The following NEBL variants were observed in gnomAD, a reference collection of about 807,000 sequenced individuals.
NEBL encodes LIM and SH3 protein 2.
Under a neutral mutation model 140.2 loss-of-function variants are expected in NEBL, and 122 were observed. The ratio of observed to expected loss-of-function variants is 0.87; its 90% CI spans 0.75 to 1.01. The LOEUF (loss-of-function observed/expected upper bound fraction) is 1.01, where lower values mean the gene tolerates loss of function less well. Among genes scored for constraint, NEBL ranks in the 50% least tolerant of loss-of-function variants. The pLI is 0.00. For missense variants in NEBL, 1,365 were observed against 1,231.3 expected (o/e 1.11, Z -1.62); for synonymous variants, 436 against 398.9 (o/e 1.09, Z -1.11).
chr10:20,981,306 G>GA (rs555810368), intron 3 of NEBL, among the ~76,000 whole-genome samples: 10,223 of 130,338 alleles, frequency 0.078, 788 homozygotes, highest in African/African-American at 0.22. Flanking sequence ...GGCCAGAAAA[G>GA]AAAAAAAAAA....
At chr10:20,956,733 T>A (rs1033334817) in intron 4 of NEBL, among the ~76,000 whole-genome samples, 1 of 152,168 alleles carries the variant, frequency 6.6e-6, no homozygotes, top group African/African-American at 2.4e-5. Context: ...ATAATGTATT[T>A]CAATGAATGA....
At chr10:20,959,487 T>C (rs1259999243) in intron 4 of NEBL, among the ~76,000 whole-genome samples, 1 of 152,162 alleles carries the variant, frequency 6.6e-6, no homozygotes, top group African/African-American at 2.4e-5. Flanking sequence ...CTTGCCAAAG[T>C]ACTACTTTTT....
At chr10:20,919,773 C>T (rs141849321) in intron 4 of NEBL, among the ~76,000 whole-genome samples, 1,592 of 152,156 alleles carry the variant, frequency 0.01, 31 homozygotes, top group African/African-American at 0.036. Flanking sequence ...CCATTCCTAA[C>T]TCAAAATCCG....
chr10:21,088,549 C>T (rs1333187311), intron 2 of NEBL, among the ~76,000 whole-genome samples: 2 of 152,130 alleles, frequency 1.3e-5, no homozygotes, highest in African/African-American at 2.4e-5. Context: ...CTTTCAATGG[C>T]CAAAGCATGT....
chr10:21,250,469 G>A (rs1240377108), intron 2 of NEBL, among the ~76,000 whole-genome samples: 7 of 152,216 alleles, frequency 4.6e-5, no homozygotes, highest in East Asian at 1.9e-4. Flanking sequence ...GATTGTGTAA[G>A]TTAATACTAC....
chr10:21,081,689 A>G (rs578115674), intron 2 of NEBL, among the ~76,000 whole-genome samples: 1 of 152,148 alleles, frequency 6.6e-6, no homozygotes, highest in Non-Finnish European at 1.5e-5. Flanking sequence ...CGGAGAAGTG[A>G]TTGATTCCAG....
At chr10:20,975,437 A>G (rs940238063) in intron 3 of NEBL, among the ~76,000 whole-genome samples, 1 of 152,136 alleles carries the variant, frequency 6.6e-6, no homozygotes, top group African/African-American at 2.4e-5. Context: ...CCAATGAGCC[A>G]GGTGGTTCCA....
In NEBL at chr10:21,119,428, T is replaced by G. The variant is rs67139133; in HGVS notation, c.164+52955A>C. ...ATAAAGCAAATATTTGTAATATACT[T>G]AATATAACATATATAGTTATATTAA... On this transcript the variant is annotated intron_variant, in intron 2 of 6. Coordinates refer to the NEBL transcript ENST00000417816. Among the ~76,000 whole-genome samples the G allele has an allele frequency of 2.9e-3, 343 of 116,892 alleles. 2 individuals carry two copies. Among genetic ancestry groups the G allele is most frequent in the African/African-American group, 7.3e-3 (136 of 18,670 alleles). 76.7% of individuals were successfully genotyped at this position (116,892 alleles called of 152,430 possible).
chr10:21,186,257 A>AACACACAC (rs765894739), intron 3 of NEBL, among the ~76,000 whole-genome samples: 3,451 of 124,770 alleles, frequency 0.028, 134 homozygotes, highest in African/African-American at 0.087. Flanking sequence ...TATATATACA[A>AACACACAC]ACACACACAC....
chr10:20,985,840 G>T (rs887047824), intron 3 of NEBL, among the ~76,000 whole-genome samples: 26 of 152,126 alleles, frequency 1.7e-4, no homozygotes, highest in African/African-American at 6.3e-4. Flanking sequence ...AAAAGGACCA[G>T]CAGGAAAATA....
intron 3 of NEBL, among the ~76,000 whole-genome samples, chr10:20,970,953 G>A (rs925150038): frequency 2.0e-5 from 3 of 152,142 alleles, no homozygotes; most frequent in Non-Finnish European, 4.4e-5. Context: ...AGTGAAAGTG[G>A]AACCAATTGA....
chr10:21,288,360 T>G (rs1019453577), intron 1 of NEBL, among the ~76,000 whole-genome samples: 1 of 152,010 alleles, frequency 6.6e-6, no homozygotes, highest in Non-Finnish European at 1.5e-5. Context: ...CCCAGCTACT[T>G]GGGAGGCTGA....
chr10:20,868,488 T>C (rs1844552164), intron 7 of NEBL, 176 bp downstream of exon 7: 1 of 602,636 alleles, frequency 1.7e-6, no homozygotes, highest in Non-Finnish European at 3.0e-6. Flanking sequence ...TTAGACTTAA[T>C]TTTTTTCCTT....
Position 21,287,722 on chromosome 10 carries a change from A to G in NEBL, n.182+5108T>C, listed in dbSNP as rs527707058. Among the ~76,000 whole-genome samples, 12 of 152,358 alleles carry G rather than the reference A, an allele frequency of 7.9e-5. No homozygotes were observed. In the South Asian group the frequency reaches 2.3e-3, roughly 29 times the overall value. ...GATAGAAGAAATGTTAAATGTTAGT[A>G]CATACTGAATTGGCAAAATCAAGAC... is the stretch of plus-strand genomic sequence containing the variant. On this transcript the variant is annotated intron_variant and non_coding_transcript_variant, in intron 1 of 8. Coordinates refer to the NEBL transcript ENST00000675702.
chr10:20,805,130 G>A (rs75137269), intron 26 of NEBL, among the ~76,000 whole-genome samples: 5,909 of 152,200 alleles, frequency 0.039, 359 homozygotes, highest in African/African-American at 0.13. Flanking sequence ...AAAGACAAGC[G>A]TCAGGGATGA....
At chr10:21,145,975 G>A (rs932527756) in intron 2 of NEBL, among the ~76,000 whole-genome samples, 2 of 152,142 alleles carry the variant, frequency 1.3e-5, no homozygotes, top group Non-Finnish European at 2.9e-5. Flanking sequence ...TCAACAACAG[G>A]TCACCATGGA....
chr10:21,279,995 C>T (rs905158443), intron 1 of NEBL, among the ~76,000 whole-genome samples: 2 of 151,914 alleles, frequency 1.3e-5, no homozygotes, highest in Admixed American at 6.6e-5. Context: ...ACTTTATTGC[C>T]CAAACTCTAA....
intron 18 of NEBL, among the ~76,000 whole-genome samples, chr10:20,825,828 C>T (rs1241691705): frequency 1.3e-5 from 2 of 151,922 alleles, no homozygotes; most frequent in South Asian, 2.1e-4. Flanking sequence ...AGAAGAGGAC[C>T]CCTCCCCCCA....
rs760282483 is a variant in NEBL at position 20,808,571 on chromosome 10, G to T, written c.2700C>A (p.Ile900=). 6.2e-7 allele frequency: 1 copy of T among 1,613,850 alleles called. No homozygotes were observed. The highest frequency in any genetic ancestry group is 8.5e-7 in the Non-Finnish European group (1 of 1,179,898). ...GTGLGDDRSE[I]SEIYPSFSCC... ...ATGAAAAGCTAGGGTAAATCTCGGA[G>T]ATTTCTGACCTGTCGTCTCCGAGAC... is the stretch of plus-strand genomic sequence containing the variant. The change falls in exon 26 of 28, where the codon ATC becomes ATA. Residue 900 remains isoleucine (I), a synonymous_variant. Coordinates refer to ENST00000377122, the MANE Select transcript of NEBL (RefSeq NM_006393.3).
Sources: allele counts gnomAD v4.1 joint callset (sites outside exome capture counted in the v4.1 genomes callset), GRCh38; gene constraint gnomAD v4.1.1; transcripts MANE v1.5; gene names NCBI Gene and HGNC (gene_info 2026-07-23, HGNC 2026-07-21).